Variants in E2F8 observed in about 807,000 individuals in gnomAD.
The protein encoded by E2F8 is E2F transcription factor 8, also known as transcription factor E2F8.
E2F8 carries 35 observed loss-of-function variants against 80.8 expected under a neutral mutation model. The ratio of observed to expected loss-of-function variants is 0.43; its 90% CI spans 0.33 to 0.57. The LOEUF is 0.57. Among genes scored for constraint, E2F8 ranks in the 20% least tolerant of loss-of-function variants. The pLI, the probability that E2F8 is intolerant of heterozygous loss-of-function variation, is 0.04. For synonymous variants in E2F8, 386 were observed against 395.0 expected (o/e 0.98, Z 0.27); for missense variants, 975 against 1,056.2 (o/e 0.92, Z 1.07).
intron 2 of E2F8, among the ~76,000 whole-genome samples, chr11:19,238,866 G>C (rs1455476232): frequency 6.6e-6 from 1 of 152,138 alleles, no homozygotes; most frequent in Non-Finnish European, 1.5e-5. Flanking sequence ...GAAAGTAATG[G>C]CAAAAACAGC....
chr11:19,231,732 T>G (rs1186478425), intron 7 of E2F8, among the ~76,000 whole-genome samples: 1 of 152,230 alleles, frequency 6.6e-6, no homozygotes, highest in African/African-American at 2.4e-5. Flanking sequence ...TGCTTTCAAC[T>G]TTCCGAATGC....
At position 19,237,840 on chromosome 11, in the gene E2F8, C is replaced by T; in HGVS notation, c.294+14G>A. ...CAAATTCCCCAGCCTCCAACCAGTC[C>T]TCTGAAAACCTACGTGTATACAGTC... On this transcript the variant is annotated intron_variant, in intron 3 of 12. Coordinates refer to ENST00000250024, the MANE Select transcript of E2F8 (RefSeq NM_024680.4). 2.5e-6 allele frequency: 4 copies of T among 1,600,786 alleles called. No homozygotes were observed. Among genetic ancestry groups the T allele is most frequent in the East Asian group, 2.2e-5 (1 of 44,638 alleles).
Position 19,225,729 on chromosome 11 carries a change from C to T in E2F8, c.2026+3G>A, listed in dbSNP as rs756140974. 6.2e-7 allele frequency: 1 copy of T among 1,614,162 alleles called. No individual in the cohort carries two copies. The highest frequency in any genetic ancestry group is 1.7e-5 in the Admixed American group (1 of 60,016). ...ATCTGGTTAGTGTTTTATGTGCACT[C>T]ACCTGCAATTGGGGAGCTGTAAATC... On this transcript the variant is annotated splice_donor_region_variant and intron_variant, in intron 11 of 12. Coordinates refer to ENST00000250024, the MANE Select transcript of E2F8 (RefSeq NM_024680.4).
At chr11:19,226,744 T>C (rs1242781968) in intron 10 of E2F8, among the ~76,000 whole-genome samples, 2 of 152,234 alleles carry the variant, frequency 1.3e-5, no homozygotes, top group Non-Finnish European at 2.9e-5. Flanking sequence ...GAACGTTTGC[T>C]GGCCCCTGAT....
intron 10 of E2F8, among the ~76,000 whole-genome samples, chr11:19,228,692 A>T (rs1851296368): frequency 6.6e-6 from 1 of 152,278 alleles, no homozygotes; most frequent in South Asian, 2.1e-4. Flanking sequence ...ATGAGAGATT[A>T]ACTTTTACTT....
At chr11:19,230,867 G>T in intron 7 of E2F8, 33 bp from the exon 8 acceptor site, 2 of 1,605,110 alleles carry the variant, frequency 1.2e-6, no homozygotes, top group Non-Finnish European at 1.7e-6. Flanking sequence ...ATTAAAACCT[G>T]GATGGCTCAG....
intron 12 of E2F8, 52 bp downstream of exon 12, chr11:19,225,169 C>T (rs540227268): frequency 2.5e-6 from 4 of 1,575,892 alleles, no homozygotes; most frequent in East Asian, 2.2e-5. Context: ...GACACAGATA[C>T]TTGGGGCTTA....
rs764117826 is a variant in E2F8 at position 19,225,229 on chromosome 11, C to T, written c.2413G>A (p.Ala805Thr). 2 of 1,613,134 alleles carry T rather than the reference C, an allele frequency of 1.2e-6. No individual in the cohort carries two copies. Among genetic ancestry groups the T allele is most frequent in the Non-Finnish European group, 8.5e-7 (1 of 1,179,882 alleles). ...PNGQSVAVTG[A>T]QQPVPVTPKG... Reference sequence around the variant, plus strand: ...AGTAGAAAGCCTCTCACCTGTTGTGCCCCTGTCACAGCAACTGATTGTCCA... The same window carrying T: ...AGTAGAAAGCCTCTCACCTGTTGTGTCCCTGTCACAGCAACTGATTGTCCA... Residue 805 changes from alanine (A) to threonine (T), a missense_variant, in exon 12 of 13, where the codon GCA (alanine) becomes ACA (threonine). Transcript: ENST00000250024.
intron 12 of E2F8, 128 bp from the exon 13 acceptor site, chr11:19,224,968 G>T: frequency 1.6e-6 from 2 of 1,253,772 alleles, no homozygotes; most frequent in South Asian, 1.5e-5. Context: ...TGAAATTGGC[G>T]AGGGAAGCTT....
chr11:19,234,188 A>G (rs1390693104), intron 6 of E2F8, among the ~76,000 whole-genome samples, 172 bp downstream of exon 6: 1 of 151,244 alleles, frequency 6.6e-6, no homozygotes, highest in East Asian at 1.9e-4. Flanking sequence ...CTTATGTATC[A>G]TAACAAGTTA....
Position 19,230,690 on chromosome 11 carries a change from A to G in E2F8, c.1211T>C (p.Ile404Thr), listed in dbSNP as rs1185772276. The change falls in exon 8 of 13, where the codon ATA (isoleucine) becomes ACA (threonine). Residue 404 changes from isoleucine to threonine, a missense_variant. Physicochemically the swap from Ile to Thr is moderately conservative, Grantham distance 89. Transcript: ENST00000250024. ...HPSLIKLVKS[I>T]ESDRRKINSA... ...ATTTATCTTTCTCCGATCACTTTCT[A>G]TACTCTTTACCAATTTGATAAGAGA... 1.2e-6 allele frequency: 2 copies of G among 1,614,150 alleles called. No individual in the cohort carries two copies. Among genetic ancestry groups the G allele is most frequent in the South Asian group, 2.2e-5 (2 of 91,088 alleles).
intron 6 of E2F8, among the ~76,000 whole-genome samples, chr11:19,234,145 T>TA (rs967973962): frequency 0.37 from 34,508 of 92,290 alleles, 6,363 homozygotes; most frequent in Admixed American, 0.45. Flanking sequence ...AGACTCCGTC[T>TA]AAAAAAAAAA....
chr11:19,225,040 C>T, intron 12 of E2F8, 181 bp downstream of exon 12: 1 of 1,126,904 alleles, frequency 8.9e-7, no homozygotes, highest in East Asian at 2.4e-5. Context: ...CATGATAACC[C>T]AACAATATGG....
At chr11:19,234,152 A>G (rs1431250353) in intron 6 of E2F8, among the ~76,000 whole-genome samples, 1 of 151,242 alleles carries the variant, frequency 6.6e-6, no homozygotes, top group African/African-American at 2.4e-5. Context: ...GTCTAAAAAA[A>G]AAAAAAAAAA....
chr11:19,224,878 C>A (rs762215349), intron 12 of E2F8, 38 bp from the exon 13 acceptor site: 1 of 1,609,346 alleles, frequency 6.2e-7, no homozygotes, highest in South Asian at 1.1e-5. Flanking sequence ...AGAAGTCAAC[C>A]ACACACAGGT....
At chr11:19,232,913 A>G (rs1428741681) in intron 6 of E2F8, among the ~76,000 whole-genome samples, 3 of 152,216 alleles carry the variant, frequency 2.0e-5, no homozygotes, top group South Asian at 2.1e-4. Context: ...CACATATCTT[A>G]AAGAGTTTTG....
At position 19,225,189 on chromosome 11, in the gene E2F8, G is replaced by A. The variant is rs766386031; in HGVS notation, c.2421+32C>T. On this transcript the variant is annotated intron_variant, in intron 12 of 12. Coordinates refer to ENST00000250024, the MANE Select transcript of E2F8 (RefSeq NM_024680.4). ...AGATACTTGGGGCTTAGTAATTCCA[G>A]GAAAAATTAAATTAAGTAGAAAGCC... 8.8e-6 allele frequency: 14 copies of A among 1,592,796 alleles called. No individual in the cohort carries two copies. The African/African-American group carries it at 1.6e-4, about 18-fold the overall frequency.
chr11:19,236,075 C>A (rs1468119953), intron 4 of E2F8, among the ~76,000 whole-genome samples: 2 of 152,166 alleles, frequency 1.3e-5, no homozygotes, highest in South Asian at 4.1e-4. Context: ...ATGAGATCAG[C>A]CTTTCTGGAA....
At chr11:19,227,151 A>G (rs889645066) in intron 10 of E2F8, among the ~76,000 whole-genome samples, 1 of 152,170 alleles carries the variant, frequency 6.6e-6, no homozygotes, top group Non-Finnish European at 1.5e-5. Flanking sequence ...TCTTCTCTCC[A>G]TTGTCAAAAC....
Sources: gnomAD v4.1 joint callset for allele counts (sites outside exome capture counted in the v4.1 genomes callset) on GRCh38, gnomAD v4.1.1 for gene constraint, MANE v1.5 for transcripts, NCBI Gene and HGNC (gene_info 2026-07-23, HGNC 2026-07-21) for gene names.